TRUB1: variants seen among roughly 807,000 people sequenced by gnomAD.
TRUB1 encodes the protein pseudouridylate synthase TRUB1.
A neutral mutation model predicts 33.9 loss-of-function variants in TRUB1; 23 were observed. The observed-to-expected ratio is 0.68, with a 90% CI of 0.49 to 0.96. The LOEUF (loss-of-function observed/expected upper bound fraction) is 0.96. Ranked by LOEUF, TRUB1 falls within the 40% of genes least tolerant of loss-of-function variation. The probability of loss-of-function intolerance (pLI) is 0.00; values close to 1 mark genes in which losing one functional copy is unlikely to be tolerated. For synonymous variants in TRUB1, 163 were observed against 165.4 expected (o/e 0.99, Z 0.11); for missense variants, 378 against 422.2 (o/e 0.90, Z 0.92).
In TRUB1 at chr10:114,951,197, C is replaced by G. The variant is rs375228162; in HGVS notation, c.441+48C>G. The G allele has an allele frequency of 1.5e-5, 21 of 1,448,008 alleles. No homozygotes were observed. In the African/African-American group the frequency reaches 2.9e-4, roughly 20 times the overall value. The allele number at this position is 1,448,008 out of a possible 1,614,324, so 89.7% of individuals were successfully genotyped here. On this transcript the variant is annotated intron_variant, in intron 3 of 7. Transcript: ENST00000298746. ...ATTTTTCTTTAATGTTCTTAATGAT[C>G]TACATGTATTGGGTTTTTATCAAAT... is the stretch of plus-strand genomic sequence containing the variant.
chr10:114,946,747 G>A (rs541627727), intron 2 of TRUB1, among the ~76,000 whole-genome samples: 1 of 152,134 alleles, frequency 6.6e-6, no homozygotes, highest in South Asian at 2.1e-4. Flanking sequence ...AATATTAATG[G>A]TGCAGATTAA....
At chr10:114,955,628 T>G (rs540731737) in intron 3 of TRUB1, among the ~76,000 whole-genome samples, 5 of 152,128 alleles carry the variant, frequency 3.3e-5, no homozygotes, top group Admixed American at 3.3e-4. Flanking sequence ...GGTCAAAGGA[T>G]AGTAACTTTC....
rs751547550 is a variant in TRUB1 at position 114,975,181 on chromosome 10, G to T, written c.852G>T (p.Thr284=). 1 of 1,613,454 alleles carries T rather than the reference G, an allele frequency of 6.2e-7. No homozygotes were observed. Residue 284 remains threonine (T), a synonymous_variant, in exon 8 of 8, where the codon ACG becomes ACT. Transcript: ENST00000298746. ...ELTRTKQGPF[T]LEEHALPEDK... ...CCCGAACCAAACAGGGACCATTTACGCTAGAAGAACATGCCCTTCCTGAAG... is the reference window on the plus strand; with the variant it reads ...CCCGAACCAAACAGGGACCATTTACTCTAGAAGAACATGCCCTTCCTGAAG...
chr10:114,964,605 A>T (rs1447890137), intron 4 of TRUB1, among the ~76,000 whole-genome samples: 1 of 151,716 alleles, frequency 6.6e-6, no homozygotes, highest in East Asian at 1.9e-4. Flanking sequence ...AACTTTTTTG[A>T]CTCTAAAAGT....
At chr10:114,973,869 G>C (rs2084347415) in intron 6 of TRUB1, among the ~76,000 whole-genome samples, 1 of 152,046 alleles carries the variant, frequency 6.6e-6, no homozygotes, top group Non-Finnish European at 1.5e-5. Flanking sequence ...TGGTTGGTTG[G>C]TTGTATTTTT....
At position 114,975,284 on chromosome 10, in the gene TRUB1, A is replaced by C. The variant is rs1396334120; in HGVS notation, c.955A>C (p.Lys319Gln). The C allele has an allele frequency of 1.9e-6, 3 of 1,613,604 alleles. No individual in the cohort carries two copies. The highest frequency in any genetic ancestry group is 1.1e-5 in the South Asian group (1 of 91,052). ...SLFPAELALK[K>Q]SKPESNEQVL... The stretch of plus-strand genomic sequence containing the variant: ...TTTCCCAGCAGAGTTGGCACTTAAA[A>C]AATCAAAACCTGAGTCTAATGAACA... Residue 319 changes from lysine to glutamine, a missense_variant, in exon 8 of 8, where the codon AAA becomes CAA. Lys to Gln is a moderately conservative substitution (Grantham distance 53, BLOSUM62 1). Transcript: ENST00000298746.
chr10:114,952,969 G>T (rs1478304371), intron 3 of TRUB1, among the ~76,000 whole-genome samples: 1 of 151,794 alleles, frequency 6.6e-6, no homozygotes, highest in African/African-American at 2.4e-5. Context: ...TCACTTTTAT[G>T]TTAATAATAA....
chr10:114,951,395 AT>A (rs2084234864), intron 3 of TRUB1, among the ~76,000 whole-genome samples: 1 of 152,224 alleles, frequency 6.6e-6, no homozygotes, highest in Non-Finnish European at 1.5e-5. Flanking sequence ...ACAAAATTAT[AT>A]TTAGACTTTT....
At chr10:114,938,728 C>T (rs1249594645) in intron 1 of TRUB1, among the ~76,000 whole-genome samples, 189 bp downstream of exon 1, 1 of 152,172 alleles carries the variant, frequency 6.6e-6, no homozygotes, top group Non-Finnish European at 1.5e-5. Context: ...CTCTTGTAGC[C>T]TACTTGGCAG....
At chr10:114,961,798 A>G (rs1442278667) in intron 4 of TRUB1, among the ~76,000 whole-genome samples, 1 of 152,182 alleles carries the variant, frequency 6.6e-6, no homozygotes, top group Non-Finnish European at 1.5e-5. Context: ...AGCAGGTACC[A>G]AGGGAAAGAT....
intron 4 of TRUB1, 55 bp downstream of exon 4, chr10:114,959,862 T>C: frequency 9.3e-7 from 1 of 1,072,702 alleles, no homozygotes; most frequent in Non-Finnish European, 1.4e-6. Flanking sequence ...AAAGTTTCTG[T>C]GCAGGTAGCA....
Position 114,976,422 on chromosome 10 carries a change from G to A in TRUB1, c.*1043G>A, listed in dbSNP as rs1426591871. Reference sequence around the variant, plus strand: ...TCTTTACCATAATTTTTTAAATGTAGCCACATTGTAATAGTAAACTTCATA... The same window carrying A: ...TCTTTACCATAATTTTTTAAATGTAACCACATTGTAATAGTAAACTTCATA... On this transcript the variant is annotated 3_prime_UTR_variant, in exon 8 of 8. Coordinates refer to ENST00000298746, the MANE Select transcript of TRUB1 (RefSeq NM_139169.5). 2.0e-5 allele frequency: 3 copies of A among 152,106 alleles called. No individual in the cohort carries two copies. Among genetic ancestry groups the A allele is most frequent in the African/African-American group, 4.8e-5 (2 of 41,496 alleles). The allele number at this position is 152,106 out of a possible 1,614,324, so 9.4% of individuals were successfully genotyped here.
At chr10:114,959,912 C>A in intron 4 of TRUB1, 105 bp downstream of exon 4, 1 of 687,626 alleles carries the variant, frequency 1.5e-6, no homozygotes, top group Non-Finnish European at 2.5e-6. Flanking sequence ...CATTTTAATT[C>A]TCAGTGTGTT....
chr10:114,939,705 G>C (rs1447867598), intron 1 of TRUB1, among the ~76,000 whole-genome samples: 2 of 152,142 alleles, frequency 1.3e-5, no homozygotes, highest in Admixed American at 1.3e-4. Context: ...GGGTCATACA[G>C]AGGACGTCAA....
intron 1 of TRUB1, among the ~76,000 whole-genome samples, chr10:114,938,781 A>G (rs1265629634): frequency 2.6e-5 from 4 of 152,220 alleles, no homozygotes; most frequent in Non-Finnish European, 4.4e-5. Context: ...TACTTACACA[A>G]TAAAACCCTG....
At position 114,951,159 on chromosome 10, in the gene TRUB1, C is replaced by G; in HGVS notation, c.441+10C>G. 1 of 1,606,512 alleles carries G rather than the reference C, an allele frequency of 6.2e-7. No homozygotes were observed. Among genetic ancestry groups the G allele is most frequent in the Non-Finnish European group, 8.5e-7 (1 of 1,174,864 alleles). ...GTTGTCAGGGTCCAAGGTAAGAATACTGAAATAGTTCTATTTTTCTTTAAT... is the reference window on the plus strand; with the variant it reads ...GTTGTCAGGGTCCAAGGTAAGAATAGTGAAATAGTTCTATTTTTCTTTAAT... On this transcript the variant is annotated intron_variant, in intron 3 of 7. Transcript: ENST00000298746.
intron 2 of TRUB1, among the ~76,000 whole-genome samples, chr10:114,947,346 AG>A (rs1179137335): frequency 1.3e-5 from 1 of 74,148 alleles, no homozygotes; most frequent in Non-Finnish European, 4.1e-5. Context: ...GTTTTAAGAC[AG>A]ATTGGTAATT....
chr10:114,941,824 G>A (rs910598520), intron 1 of TRUB1, among the ~76,000 whole-genome samples: 10 of 151,192 alleles, frequency 6.6e-5, no homozygotes, highest in African/African-American at 2.2e-4. Flanking sequence ...TTGCTCTGTC[G>A]CCCAGGCTAG....
intron 4 of TRUB1, among the ~76,000 whole-genome samples, chr10:114,965,773 A>G (rs1380180755): frequency 6.6e-6 from 1 of 152,110 alleles, no homozygotes; most frequent in Non-Finnish European, 1.5e-5. Flanking sequence ...TGCTTATATC[A>G]ATGTAGATAA....
Sources: gnomAD v4.1 joint callset for allele counts (sites outside exome capture counted in the v4.1 genomes callset) on GRCh38, gnomAD v4.1.1 for gene constraint, MANE v1.5 for transcripts, NCBI Gene and HGNC (gene_info 2026-07-23, HGNC 2026-07-21) for gene names.